MMP10: variants seen among roughly 807,000 people sequenced by gnomAD.
The protein encoded by MMP10 is stromelysin-2.
MMP10 carries 50 observed loss-of-function variants against 49.1 expected under a neutral mutation model. The ratio of observed to expected loss-of-function variants is 1.02; its 90% CI spans 0.81 to 1.29. MMP10 has a LOEUF of 1.29. Among genes scored for constraint, MMP10 ranks in the 50% most tolerant of loss-of-function variants. The pLI is 0.00. For missense variants in MMP10, 613 were observed against 563.8 expected (o/e 1.09, Z -0.88); for synonymous variants, 229 against 201.6 (o/e 1.14, Z -1.15).
chr11:102,771,987 G>T, intron 9 of MMP10, 25 bp downstream of exon 9: 1 of 1,210,866 alleles, frequency 8.3e-7, no homozygotes, highest in Non-Finnish European at 1.2e-6. Context: ...ATTCCTGCAT[G>T]ACAATGAAAT....
intron 6 of MMP10, among the ~76,000 whole-genome samples, chr11:102,775,949 A>C (rs1857724228): frequency 6.6e-6 from 1 of 152,124 alleles, no homozygotes; most frequent in South Asian, 2.1e-4. Flanking sequence ...ATCCCTTATA[A>C]GTCTGTAAAA....
At chr11:102,778,481 A>G (rs1336061991) in intron 4 of MMP10, 143 bp downstream of exon 4, 2 of 993,652 alleles carry the variant, frequency 2.0e-6, no homozygotes, top group African/African-American at 3.3e-5. Context: ...ATTGAAACAA[A>G]CAGTACTTCT....
chr11:102,779,350 T>C lies in MMP10; in HGVS notation c.359A>G (p.Tyr120Cys). Residue 120 changes from tyrosine to cysteine, a missense_variant, in exon 3 of 10, where the codon TAT (tyrosine) becomes TGT (cysteine). Coordinates refer to ENST00000279441, the MANE Select transcript of MMP10 (RefSeq NM_002425.3). ...KTHLTYRIVN[Y>C]TPDLPRDAVD... ...AGCATCTCTTGGCAAATCTGGTGTA[T>C]AATTCACAATCCTGGAGGAGAAAAA... The C allele has an allele frequency of 6.2e-7, 1 of 1,614,048 alleles. No homozygotes were observed. Among genetic ancestry groups the C allele is most frequent in the African/African-American group, 1.3e-5 (1 of 75,066 alleles).
chr11:102,780,621 G>A lies in MMP10; in HGVS notation c.-30C>T. The A allele has an allele frequency of 6.3e-7, 1 of 1,596,440 alleles. No homozygotes were observed. Among genetic ancestry groups the A allele is most frequent in the Non-Finnish European group, 8.6e-7 (1 of 1,167,254 alleles). ...ACTGCCCTTACCTTCTTTGTCTACT[G>A]GGCTTCTAGCTCTACCCCCTAGTGG... is the stretch of plus-strand genomic sequence containing the variant. On this transcript the variant is annotated 5_prime_UTR_variant, in exon 1 of 10. Coordinates refer to ENST00000279441, the MANE Select transcript of MMP10 (RefSeq NM_002425.3).
At chr11:102,777,950 A>C (rs1357117551) in intron 4 of MMP10, among the ~76,000 whole-genome samples, 1 of 152,176 alleles carries the variant, frequency 6.6e-6, no homozygotes, top group Non-Finnish European at 1.5e-5. Flanking sequence ...TACTCAGGAA[A>C]GATGTTCTTT....
In MMP10 at chr11:102,779,722, G is replaced by A. The variant is rs757935934; in HGVS notation, c.129C>T (p.Asn43=). 8 of 1,613,456 alleles carry A rather than the reference G, an allele frequency of 5.0e-6. No homozygotes were observed. In the South Asian group the frequency reaches 7.7e-5, roughly 16 times the overall value. The stretch of plus-strand genomic sequence containing the variant: ...TAAACTGTTTCACATCCTTTTCGAG[G>A]TTGTAGTACTTTTCTAGGTATTGCT... ...LAQQYLEKYY[N]LEKDVKQFRR... Residue 43 remains asparagine, a synonymous_variant, in exon 2 of 10, where the codon AAC becomes AAT. Coordinates refer to ENST00000279441, the MANE Select transcript of MMP10 (RefSeq NM_002425.3).
chr11:102,774,781 A>G (rs1862005507), intron 7 of MMP10, among the ~76,000 whole-genome samples: 1 of 152,172 alleles, frequency 6.6e-6, no homozygotes, highest in Admixed American at 6.5e-5. Context: ...CATCTTACCG[A>G]TTAAAGTTTT....
chr11:102,778,234 A>T (rs1034913205), intron 4 of MMP10, among the ~76,000 whole-genome samples: 2 of 152,190 alleles, frequency 1.3e-5, no homozygotes, highest in African/African-American at 4.8e-5. Context: ...AAGGAGGCCA[A>T]TGAGAAGAAA....
rs987985182 is a variant in MMP10 at position 102,770,873 on chromosome 11, C to T, written c.1351G>A (p.Gly451Arg). 3 of 1,611,656 alleles carry T rather than the reference C, an allele frequency of 1.9e-6. No homozygotes were observed. The highest frequency in any genetic ancestry group is 2.5e-6 in the Non-Finnish European group (3 of 1,178,522). ...QAFGFFYFFS[G>R]SSQFEFDPNA... Reference sequence around the variant, plus strand: ...GGGTCAAACTCAAACTGTGATGATCCACTGAAGAAGTAGAAAAATCCTGTA... The same window carrying T: ...GGGTCAAACTCAAACTGTGATGATCTACTGAAGAAGTAGAAAAATCCTGTA... The change falls in exon 10 of 10, where the codon GGA becomes AGA. Residue 451 changes from glycine to arginine, a missense_variant. Physicochemically the swap from Gly to Arg is moderately radical, Grantham distance 125. Transcript: ENST00000279441.
rs767782241 is a variant in MMP10 at position 102,779,712 on chromosome 11, C to A, written c.139G>T (p.Asp47Tyr). ...YLEKYYNLEK[D>Y]VKQFRRKDSN... ...TCCTTTCTTCTAAACTGTTTCACAT[C>A]CTTTTCGAGGTTGTAGTACTTTTCT... The change falls in exon 2 of 10, where the codon GAT becomes TAT. Residue 47 changes from aspartate to tyrosine, a missense_variant. Asp to Tyr is a radical substitution (Grantham distance 160). Transcript: ENST00000279441. 2 of 1,613,818 alleles carry A rather than the reference C, an allele frequency of 1.2e-6. No individual in the cohort carries two copies. The highest frequency in any genetic ancestry group is 1.1e-5 in the South Asian group (1 of 91,074).
rs149436433 is a variant in MMP10 at position 102,772,943 on chromosome 11, G to A, written c.1130C>T (p.Thr377Ile). The A allele has an allele frequency of 1.4e-5, 22 of 1,613,560 alleles. No individual in the cohort carries two copies. Among genetic ancestry groups the A allele is most frequent in the South Asian group, 2.2e-5 (2 of 91,022 alleles). Residue 377 changes from threonine (T) to isoleucine (I), a missense_variant, in exon 8 of 10, where the codon ACC becomes ATC. Transcript: ENST00000279441. The surrounding 1 kb of genome is among the most constrained non-coding windows in gnomAD (Gnocchi z 4.4). ...CCTTATGGTTGGAGGAAAACCCAGG[G>A]TATGGATGCCTCTTGGATAACCTGC... is the stretch of plus-strand genomic sequence containing the variant. ...VQAGYPRGIH[T>I]LGFPPTIRKI...
intron 4 of MMP10, 138 bp downstream of exon 4, chr11:102,778,486 A>G: frequency 9.7e-7 from 1 of 1,027,650 alleles, no homozygotes; most frequent in East Asian, 2.5e-5. Context: ...AACAAACAGT[A>G]CTTCTGTTTA....
At chr11:102,778,579 AT>A (rs1591070050) in intron 4 of MMP10, 44 bp downstream of exon 4, 1 of 1,606,760 alleles carries the variant, frequency 6.2e-7, no homozygotes, top group Non-Finnish European at 8.5e-7. Context: ...TTTGGGTAGG[AT>A]TGGACATTAT....
chr11:102,772,199 G>A lies in MMP10; in HGVS notation c.1227-84C>T. 1 of 860,110 alleles carries A rather than the reference G, an allele frequency of 1.2e-6. No individual in the cohort carries two copies. The highest frequency in any genetic ancestry group is 1.8e-6 in the Non-Finnish European group (1 of 556,790). 53.3% of individuals were successfully genotyped at this position (860,110 alleles called of 1,614,324 possible). ...AGTATAATGTGATGTTAATTTTCCA[G>A]TGTGGAATCCTAGACAAACTTTTTA... On this transcript the variant is annotated intron_variant, in intron 8 of 9. Transcript: ENST00000279441. The surrounding 1 kb of genome is among the most constrained non-coding windows in gnomAD (Gnocchi z 4.4).
At chr11:102,776,901 G>C (rs1857749472) in intron 4 of MMP10, 125 bp from the exon 5 acceptor site, 3 of 1,122,596 alleles carry the variant, frequency 2.7e-6, no homozygotes, top group Non-Finnish European at 3.9e-6. Flanking sequence ...TTTGTGGATT[G>C]GTTCATTGAT....
intron 7 of MMP10, among the ~76,000 whole-genome samples, chr11:102,773,377 T>C (rs938064036): frequency 1.3e-5 from 2 of 152,224 alleles, no homozygotes; most frequent in Non-Finnish European, 2.9e-5. Context: ...GACACTTCCT[T>C]TGAGATATTT....
At chr11:102,778,903 G>A (rs1194157272) in intron 3 of MMP10, among the ~76,000 whole-genome samples, 154 bp from the exon 4 acceptor site, 1 of 152,228 alleles carries the variant, frequency 6.6e-6, no homozygotes, top group Non-Finnish European at 1.5e-5. Context: ...AGTATTAAGA[G>A]GTTAGGTCTT....
At position 102,772,624 on chromosome 11, in the gene MMP10, C is replaced by A. The variant is rs1248130826; in HGVS notation, c.1226+223G>T. ...GTGAATGCCTTTGGACCTCAGCTGG[C>A]CTCTCCTGATGTCTTTTAGTGTCTG... On this transcript the variant is annotated intron_variant, in intron 8 of 9. Coordinates refer to ENST00000279441, the MANE Select transcript of MMP10 (RefSeq NM_002425.3). This position sits in a 1 kb window ranked among gnomAD's most constrained non-coding sequence, Gnocchi z 4.4. 6.6e-6 allele frequency among the ~76,000 whole-genome samples: 1 copy of A among 152,164 alleles called. No individual in the cohort carries two copies. The highest frequency in any genetic ancestry group is 6.5e-5 in the Admixed American group (1 of 15,274).
chr11:102,772,758 G>T lies in MMP10; in HGVS notation c.1226+89C>A, dbSNP rs1036980475. ...ATTTTGAAGTTAGAGAAAGTTAGAG[G>T]GTGGGTGTAGGGTAGGGAAATATCC... On this transcript the variant is annotated intron_variant, in intron 8 of 9. Transcript: ENST00000279441. The surrounding 1 kb of genome is among the most constrained non-coding windows in gnomAD (Gnocchi z 4.4). 4.2e-5 allele frequency: 56 copies of T among 1,317,990 alleles called. No individual in the cohort carries two copies. In the Middle Eastern group the frequency reaches 6.0e-4, roughly 14 times the overall value. 81.6% of individuals were successfully genotyped at this position (1,317,990 alleles called of 1,614,324 possible).
Sources: allele counts gnomAD v4.1 joint callset (sites outside exome capture counted in the v4.1 genomes callset), GRCh38; gene constraint gnomAD v4.1.1; non-coding constraint Gnocchi (gnomAD v3.1); transcripts MANE v1.5; gene names NCBI Gene and HGNC (gene_info 2026-07-23, HGNC 2026-07-21).